HORMAD2: variants seen among roughly 807,000 people sequenced by gnomAD.
The protein encoded by HORMAD2 is HORMA domain containing 2.
In HORMAD2, 45 loss-of-function variants were observed where a neutral mutation model predicts 38.8. The ratio of observed to expected loss-of-function variants is 1.16; its 90% CI spans 0.91 to 1.49. HORMAD2 has a LOEUF of 1.49. Among genes scored for constraint, HORMAD2 ranks in the 40% most tolerant of loss-of-function variants. The pLI is 0.00. For missense variants in HORMAD2, 338 were observed against 367.0 expected, an observed-to-expected ratio of 0.92 and a Z score of 0.65; for synonymous variants, 126 against 122.8, an observed-to-expected ratio of 1.03 and a Z score of -0.17.
At chr22:30,093,376 G>T (rs1286032835) in intron 1 of HORMAD2, among the ~76,000 whole-genome samples, 4 of 152,118 alleles carry the variant, frequency 2.6e-5, no homozygotes, top group Admixed American at 6.6e-5. Context: ...GTTAGTTCAA[G>T]AAATGTTTTT....
Position 30,168,278 on chromosome 22 carries a change from A to G in HORMAD2, c.820-7785A>G, listed in dbSNP as rs527857279. ...TAATTAAGGCCATCAAACATAAATCATTCAACTTTCTGCTCTCATATTTAA... is the reference window on the plus strand; with the variant it reads ...TAATTAAGGCCATCAAACATAAATCGTTCAACTTTCTGCTCTCATATTTAA... On this transcript the variant is annotated intron_variant, in intron 10 of 10. Coordinates refer to ENST00000336726, the MANE Select transcript of HORMAD2 (RefSeq NM_152510.4). Among the ~76,000 whole-genome samples, 12 of 152,336 alleles carry G rather than the reference A, an allele frequency of 7.9e-5. No homozygotes were observed. The East Asian group carries it at 1.7e-3, about 22-fold the overall frequency.
At chr22:30,172,101 G>A (rs2123740221) in intron 10 of HORMAD2, among the ~76,000 whole-genome samples, 1 of 152,240 alleles carries the variant, frequency 6.6e-6, no homozygotes, top group East Asian at 1.9e-4. Context: ...TTTCATCAGG[G>A]TCTGTGACAC....
intron 10 of HORMAD2, among the ~76,000 whole-genome samples, chr22:30,166,782 A>G (rs1925810599): frequency 6.6e-6 from 1 of 152,252 alleles, no homozygotes; most frequent in African/African-American, 2.4e-5. Flanking sequence ...ATGTCAAATT[A>G]AAGGAGCAAG....
downstream of HORMAD2, among the ~76,000 whole-genome samples, chr22:30,181,276 A>G (rs1382063176): frequency 1.3e-5 from 2 of 151,958 alleles, no homozygotes; most frequent in African/African-American, 4.8e-5. Context: ...AAGTGCTGGG[A>G]TTACAGGTGT....
intron 7 of HORMAD2, among the ~76,000 whole-genome samples, chr22:30,115,080 A>C (rs1381073831): frequency 6.6e-6 from 1 of 152,140 alleles, no homozygotes; most frequent in Non-Finnish European, 1.5e-5. Context: ...TGGTTTCACT[A>C]TCTATTCCTT....
intron 5 of HORMAD2, among the ~76,000 whole-genome samples, chr22:30,106,330 A>G (rs1002972743): frequency 1.3e-5 from 2 of 152,102 alleles, no homozygotes; most frequent in Non-Finnish European, 2.9e-5. Flanking sequence ...ATTTTTTTAT[A>G]TCAATTTGAT....
the HORMAD2 span, among the ~76,000 whole-genome samples, chr22:30,195,242 T>C: frequency 1.3e-5 from 2 of 150,678 alleles, no homozygotes; most frequent in Non-Finnish European, 3.0e-5. Flanking sequence ...ATTGATTTTC[T>C]TTACTTTATT....
downstream of HORMAD2, among the ~76,000 whole-genome samples, chr22:30,177,684 A>G (rs1384844235): frequency 6.7e-6 from 1 of 149,994 alleles, no homozygotes; most frequent in Non-Finnish European, 1.5e-5. Flanking sequence ...AAATCAGTAA[A>G]GGCTATAGGA....
chr22:30,130,586 CTTTTTTTT>C (rs66636269), intron 10 of HORMAD2, among the ~76,000 whole-genome samples: 2 of 87,910 alleles, frequency 2.3e-5, no homozygotes, highest in Admixed American at 1.4e-4. Context: ...CTTTTCTTTT[CTTTTTTTT>C]TTTTTTTTTT....
At chr22:30,118,860 A>G in intron 7 of HORMAD2, 120 bp from the exon 8 acceptor site, 1 of 667,192 alleles carries the variant, frequency 1.5e-6, no homozygotes, top group Non-Finnish European at 2.6e-6. Context: ...CTGTGAAACA[A>G]ACAGCTATAT....
intron 6 of HORMAD2, 131 bp downstream of exon 6, chr22:30,111,947 A>C: frequency 1.6e-6 from 1 of 610,008 alleles, no homozygotes; most frequent in South Asian, 2.5e-5. Flanking sequence ...GGAATTAAAA[A>C]CATAGGATCT....
At chr22:30,078,618 A>C (rs1402640587), upstream of HORMAD2, among the ~76,000 whole-genome samples, 1 of 148,566 alleles carries the variant, frequency 6.7e-6, no homozygotes, top group African/African-American at 2.5e-5. Flanking sequence ...AAAAAAAAAA[A>C]AAAAAAAAAA....
intron 7 of HORMAD2, among the ~76,000 whole-genome samples, chr22:30,115,989 C>T (rs1399136773): frequency 6.6e-6 from 1 of 152,220 alleles, no homozygotes; most frequent in African/African-American, 2.4e-5. Flanking sequence ...AATCGCAGTT[C>T]TACCACTTAC....
chr22:30,195,282 G>A, the HORMAD2 span, among the ~76,000 whole-genome samples: 1 of 151,558 alleles, frequency 6.6e-6, no homozygotes, highest in Non-Finnish European at 1.5e-5. Flanking sequence ...ATAGTTATGA[G>A]CTAGCATTTT....
Position 30,112,536 on chromosome 22 carries a change from C to T in HORMAD2, c.342+14C>T. On this transcript the variant is annotated intron_variant, in intron 7 of 10. Coordinates refer to ENST00000336726, the MANE Select transcript of HORMAD2 (RefSeq NM_152510.4). ...ATGGGATCTGAGGTAAGAACACACA[C>T]AAACGTATAGGTGGGTAGTATATGT... 1 of 1,272,480 alleles carries T rather than the reference C, an allele frequency of 7.9e-7. No homozygotes were observed. The highest frequency in any genetic ancestry group is 1.5e-5 in the South Asian group (1 of 64,982). The allele number at this position is 1,272,480 out of a possible 1,614,324, so 78.8% of individuals were successfully genotyped here. A position where few individuals can be genotyped will look rare whatever the true frequency, so the allele number is the denominator to read the frequency against.
In HORMAD2 at chr22:30,176,285, C is replaced by G; in HGVS notation, c.*118C>G. The G allele has an allele frequency of 1.3e-6, 1 of 759,360 alleles. No homozygotes were observed. 47.0% of individuals were successfully genotyped at this position (759,360 alleles called of 1,614,324 possible). A position where few individuals can be genotyped will look rare whatever the true frequency, so the allele number is the denominator to read the frequency against. ...CCAAAACCTTTTTCTAAATTTTTTG[C>G]TCAATTTTTTTTGTCAGTTGCTAAG... is the stretch of plus-strand genomic sequence containing the variant. On this transcript the variant is annotated 3_prime_UTR_variant, in exon 11 of 11. Transcript: ENST00000336726.
chr22:30,082,955 C>A (rs1050134554), intron 1 of HORMAD2, among the ~76,000 whole-genome samples: 2 of 152,056 alleles, frequency 1.3e-5, no homozygotes, highest in African/African-American at 2.4e-5. Flanking sequence ...TAATCCTTGT[C>A]ACAAAGTAGA....
At chr22:30,153,067 A>AC (rs1024061461) in intron 10 of HORMAD2, among the ~76,000 whole-genome samples, 12 of 150,666 alleles carry the variant, frequency 8.0e-5, no homozygotes, top group African/African-American at 2.9e-4. Flanking sequence ...AAGTTTCTCT[A>AC]CCCAGTTTCC....
downstream of HORMAD2, among the ~76,000 whole-genome samples, chr22:30,180,510 GA>G (rs777669470): frequency 9.9e-5 from 15 of 152,240 alleles, no homozygotes; most frequent in South Asian, 4.1e-4. Flanking sequence ...AGGTAGTGAA[GA>G]AAAAGCCTAG....
Sources: allele counts gnomAD v4.1 joint callset (sites outside exome capture counted in the v4.1 genomes callset), GRCh38; gene constraint gnomAD v4.1.1; transcripts MANE v1.5; gene names NCBI Gene and HGNC (gene_info 2026-07-23, HGNC 2026-07-21).